BET1: variants seen among roughly 807,000 people sequenced by gnomAD.
The protein encoded by BET1 is BET1 homolog.
BET1 carries 9 observed loss-of-function variants against 13.9 expected under a neutral mutation model. The observed-to-expected ratio is 0.65, with a 90% CI of 0.39 to 1.13. The LOEUF (loss-of-function observed/expected upper bound fraction) is 1.13. BET1 is among the 50% of genes most tolerant of loss of function. The pLI is 0.01. For missense variants in BET1, 127 were observed against 133.6 expected (o/e 0.95, Z 0.24); for synonymous variants, 39 against 47.3 (o/e 0.82, Z 0.72).
chr7:93,967,877 G>C (rs1485375547), intron 6 of BET1, among the ~76,000 whole-genome samples: 2 of 151,796 alleles, frequency 1.3e-5, no homozygotes, highest in Admixed American at 6.6e-5. Context: ...TTTCCATTGA[G>C]TGTGTTTCTT....
At chr7:93,988,801 C>G (rs2116092575), downstream of BET1, among the ~76,000 whole-genome samples, 1 of 151,848 alleles carries the variant, frequency 6.6e-6, no homozygotes, top group Non-Finnish European at 1.5e-5. Context: ...TGAAGTTTAA[C>G]TTTCTCCTGT....
chr7:93,998,331 A>G (rs1407228195), intron 2 of BET1, among the ~76,000 whole-genome samples: 1 of 152,212 alleles, frequency 6.6e-6, no homozygotes. Context: ...CAATGATTAT[A>G]TAGCTCAGAT....
intron 1 of BET1, chr7:93,999,835 T>TTATG: frequency 2.7e-6 from 1 of 376,548 alleles, no homozygotes; most frequent in Middle Eastern, 3.7e-4. Context: ...ACACAATAAC[T>TTATG]TATGCAGAAT....
At chr7:93,966,741 GC>G (rs945882590) in intron 6 of BET1, among the ~76,000 whole-genome samples, 22 of 151,808 alleles carry the variant, frequency 1.4e-4, no homozygotes, top group African/African-American at 5.1e-4. Context: ...TTGGATATCA[GC>G]CCAAAGGATT....
At chr7:93,981,051 G>C (rs1328919020) in intron 4 of BET1, among the ~76,000 whole-genome samples, 1 of 152,086 alleles carries the variant, frequency 6.6e-6, no homozygotes, top group Admixed American at 6.5e-5. Flanking sequence ...CTGCCATCTG[G>C]AGATTTCCCC....
intron 4 of BET1, among the ~76,000 whole-genome samples, chr7:93,984,373 T>TA (rs1323386881): frequency 1.3e-5 from 2 of 152,190 alleles, no homozygotes; most frequent in Non-Finnish European, 2.9e-5. Context: ...TACATGAATC[T>TA]TTAGGAACTA....
chr7:93,965,693 TA>T (rs1251194644), intron 6 of BET1: 1 of 152,036 alleles, frequency 6.6e-6, no homozygotes, highest in Non-Finnish European at 1.5e-5. Context: ...AATTTCTGTG[TA>T]AAATACAAGA....
intron 5 of BET1, among the ~76,000 whole-genome samples, chr7:93,973,838 A>G (rs1164648434): frequency 1.3e-5 from 2 of 152,086 alleles, no homozygotes; most frequent in African/African-American, 4.8e-5. Context: ...AACTGTAGCA[A>G]ATGTATCTAA....
intron 6 of BET1, among the ~76,000 whole-genome samples, chr7:93,971,603 C>A (rs773617036): frequency 6.6e-5 from 10 of 151,598 alleles, no homozygotes; most frequent in Non-Finnish European, 1.3e-4. Context: ...CAGTAGTAGG[C>A]CTAGTAAACA....
chr7:93,993,942 T>C lies in BET1; in HGVS notation c.*288A>G. ...TTATGATTACAACAAAATATTATAA[T>C]GCTATTTAATCTGACAGTTGGCAAA... On this transcript the variant is annotated 3_prime_UTR_variant, in exon 4 of 4. Transcript: ENST00000222547. The C allele has an allele frequency of 6.5e-7, 1 of 1,535,112 alleles. No individual in the cohort carries two copies. The highest frequency in any genetic ancestry group is 8.7e-7 in the Non-Finnish European group (1 of 1,146,544).
chr7:93,995,485 G>A (rs930946924), intron 3 of BET1, among the ~76,000 whole-genome samples: 8 of 152,002 alleles, frequency 5.3e-5, no homozygotes, highest in African/African-American at 1.9e-4. Flanking sequence ...CAGAATCACC[G>A]GAGATGCTTT....
intron 6 of BET1, among the ~76,000 whole-genome samples, chr7:93,970,149 A>G (rs1441640399): frequency 6.6e-6 from 1 of 151,890 alleles, no homozygotes; most frequent in African/African-American, 2.4e-5. Context: ...AAAATTTTGT[A>G]CAATCTAACA....
chr7:93,964,905 A>G (rs1212296420), exon 7 of BET1: 1 of 152,116 alleles, frequency 6.6e-6, no homozygotes, highest in Non-Finnish European at 1.5e-5. Context: ...CACTGTGGAA[A>G]TCAGCTTGGA....
chr7:93,982,900 T>C (rs1203989958), intron 4 of BET1, among the ~76,000 whole-genome samples: 2 of 152,286 alleles, frequency 1.3e-5, no homozygotes, highest in Middle Eastern at 3.4e-3. Context: ...TTATTCTGCT[T>C]GAGAAAAGAG....
chr7:93,993,964 C>A lies in BET1; in HGVS notation c.*266G>T. ...TAATGCTATTTAATCTGACAGTTGG[C>A]AAACAATAGAAAAACAAACTGGAAA... On this transcript the variant is annotated 3_prime_UTR_variant, in exon 4 of 4. Coordinates refer to ENST00000222547, the MANE Select transcript of BET1 (RefSeq NM_005868.6). The A allele has an allele frequency of 6.5e-7, 1 of 1,532,334 alleles. No homozygotes were observed. Among genetic ancestry groups the A allele is most frequent in the Non-Finnish European group, 8.7e-7 (1 of 1,145,510 alleles). The allele number at this position is 1,532,334 out of a possible 1,614,324, so 94.9% of individuals were successfully genotyped here.
chr7:93,986,409 T>C (rs1349715798), intron 4 of BET1, among the ~76,000 whole-genome samples: 1 of 152,160 alleles, frequency 6.6e-6, no homozygotes, highest in Non-Finnish European at 1.5e-5. Flanking sequence ...AAACAAAAAC[T>C]CTTTTCTCTG....
intron 4 of BET1, among the ~76,000 whole-genome samples, chr7:93,976,298 A>G (rs1795334771): frequency 6.6e-6 from 1 of 152,078 alleles, no homozygotes; most frequent in Non-Finnish European, 1.5e-5. Context: ...ACCCCTTCAC[A>G]TCCAGAACTA....
intron 5 of BET1, among the ~76,000 whole-genome samples, chr7:93,974,480 A>C (rs1302589353): frequency 6.6e-6 from 1 of 152,034 alleles, no homozygotes; most frequent in African/African-American, 2.4e-5. Flanking sequence ...CTCAAAAAAG[A>C]ATAGGGCATG....
intron 4 of BET1, among the ~76,000 whole-genome samples, chr7:93,986,780 A>T (rs1192992395): frequency 6.6e-6 from 1 of 152,212 alleles, no homozygotes; most frequent in Non-Finnish European, 1.5e-5. Context: ...CCATTGTAAC[A>T]TTGCAAAAAT....
Sources: allele counts gnomAD v4.1 joint callset (sites outside exome capture counted in the v4.1 genomes callset), GRCh38; gene constraint gnomAD v4.1.1; transcripts MANE v1.5; gene names NCBI Gene and HGNC (gene_info 2026-07-23, HGNC 2026-07-21).